The following SLC5A10 variants were observed in gnomAD, a reference collection of about 807,000 sequenced individuals.
SLC5A10 encodes the protein solute carrier family 5 member 10.
SLC5A10 carries 55 observed loss-of-function variants against 68.9 expected under a neutral mutation model. That is an observed-to-expected ratio of 0.80 (90% CI 0.64 to 1.00). SLC5A10 has a LOEUF of 1.00. SLC5A10 is among the 50% of genes least tolerant of loss of function. SLC5A10 has a pLI of 0.00. For missense variants in SLC5A10, 732 were observed against 819.3 expected (o/e 0.89, Z 1.30); for synonymous variants, 344 against 344.8 (o/e 1.00, Z 0.02).
chr17:18,999,542 C>T (rs1311517709), intron 9 of SLC5A10, among the ~76,000 whole-genome samples: 4 of 152,186 alleles, frequency 2.6e-5, no homozygotes, highest in Non-Finnish European at 5.9e-5. Flanking sequence ...ATGGAGACAA[C>T]ACCTACTTTC....
Position 19,004,009 on chromosome 17 carries a change from G to A in SLC5A10, c.983-9401G>A, listed in dbSNP as rs2043809001. 9.9e-6 allele frequency: 16 copies of A among 1,610,594 alleles called. No homozygotes were observed. The highest frequency in any genetic ancestry group is 1.4e-5 in the Non-Finnish European group (16 of 1,178,648). On this transcript the variant is annotated intron_variant, in intron 9 of 14. Transcript: ENST00000395645. The surrounding 1 kb of genome is among the most constrained non-coding windows in gnomAD (Gnocchi z 5.4). ...CGCTGGAGCGCCAGTTCACATGGTT[G>A]TCGTCCAGACACTGCACCTGAGAGA...
At chr17:18,977,741 G>A (rs766692916) in intron 9 of SLC5A10, 13 of 1,605,542 alleles carry the variant, frequency 8.1e-6, no homozygotes, top group Non-Finnish European at 1.1e-5. Context: ...CGGTGGTGGG[G>A]TTGGCCCGTT....
chr17:18,968,129 C>A lies in SLC5A10; in HGVS notation c.454-923C>A, dbSNP rs2042749131. Among the ~76,000 whole-genome samples the A allele has an allele frequency of 6.6e-6, 1 of 152,038 alleles. No individual in the cohort carries two copies. The highest frequency in any genetic ancestry group is 1.5e-5 in the Non-Finnish European group (1 of 67,974). ...GCAGGGATCCCTGCCTGGGGGAGCT[C>A]AAAGGGGCCTGGGGCCTGCACTTCC... On this transcript the variant is annotated intron_variant, in intron 5 of 14. Transcript: ENST00000395645. The surrounding 1 kb of genome is among the most constrained non-coding windows in gnomAD (Gnocchi z 4.1).
chr17:19,017,458 A>C lies in SLC5A10; in HGVS notation c.1242-1965A>C. 1 of 1,464,672 alleles carries C rather than the reference A, an allele frequency of 6.8e-7. No individual in the cohort carries two copies. The highest frequency in any genetic ancestry group is 1.2e-5 in the South Asian group (1 of 82,154). The allele number at this position is 1,464,672 out of a possible 1,614,324, so 90.7% of individuals were successfully genotyped here. On this transcript the variant is annotated intron_variant, in intron 11 of 14. Transcript: ENST00000395645. The surrounding 1 kb of genome is among the most constrained non-coding windows in gnomAD (Gnocchi z 5.6). Reference sequence around the variant, plus strand: ...AGGCGAGGCTTACAGAGAGAAGACCAACAGCCCAGAGGCCTGGAGAGGAGG... The same window carrying C: ...AGGCGAGGCTTACAGAGAGAAGACCCACAGCCCAGAGGCCTGGAGAGGAGG...
chr17:19,009,884 A>G (rs1165655861), intron 9 of SLC5A10, among the ~76,000 whole-genome samples: 1 of 152,018 alleles, frequency 6.6e-6, no homozygotes, highest in East Asian at 1.9e-4. Context: ...TAATGAATTG[A>G]GAGGAATGAG....
At chr17:18,977,942 C>T (rs752365106) in intron 9 of SLC5A10, 3 of 1,605,872 alleles carry the variant, frequency 1.9e-6, no homozygotes, top group Non-Finnish European at 2.6e-6. Context: ...CCCATCCAGC[C>T]CATTGGGGAG....
At chr17:19,015,974 T>G (rs767917009) in intron 11 of SLC5A10, among the ~76,000 whole-genome samples, 1 of 152,198 alleles carries the variant, frequency 6.6e-6, no homozygotes, top group African/African-American at 2.4e-5. Context: ...TGGTATACAC[T>G]GTACCCAATG....
intron 1 of SLC5A10, among the ~76,000 whole-genome samples, chr17:18,955,402 G>A (rs959697337): frequency 6.6e-6 from 1 of 152,206 alleles, no homozygotes; most frequent in Admixed American, 6.5e-5. Context: ...GCTTCATAGA[G>A]CTGTTGCGAG....
chr17:18,969,119 T>C lies in SLC5A10; in HGVS notation c.521T>C (p.Ile174Thr), dbSNP rs373912084. 7.6e-5 allele frequency: 122 copies of C among 1,613,916 alleles called. No individual in the cohort carries two copies. The highest frequency in any genetic ancestry group is 9.7e-5 in the Non-Finnish European group (115 of 1,179,962). The change falls in exon 6 of 15, where the codon ATC (isoleucine) becomes ACC (threonine). Residue 174 changes from isoleucine (I) to threonine (T), a missense_variant. Ile to Thr is a moderately conservative substitution (Grantham distance 89). Coordinates refer to ENST00000395645, the MANE Select transcript of SLC5A10 (RefSeq NM_001042450.4). ...CLGWNFYLST[I>T]LTLGITALYT... ...GGCTGGAACTTCTACCTCTCCACCA[T>C]CCTCACGCTCGGCATCACAGCCCTG...
In SLC5A10 at chr17:18,971,752, GGA is replaced by G. The variant is rs760266047; in HGVS notation, c.846+544_846+545del. 1.4e-5 allele frequency: 21 copies of G among 1,555,518 alleles called. No homozygotes were observed. The highest frequency in any genetic ancestry group is 1.9e-5 in the Admixed American group (1 of 53,594). ...TGTGATGATGAAACTGCTGGCCCTG[GGA>G]GAGAGAGAGCAGAGAGTGAGGCTGA... On this transcript the variant is annotated intron_variant, in intron 8 of 14. Coordinates refer to ENST00000395645, the MANE Select transcript of SLC5A10 (RefSeq NM_001042450.4). The surrounding 1 kb of genome is among the most constrained non-coding windows in gnomAD (Gnocchi z 5.5).
At chr17:18,987,428 G>A (rs8069879) in intron 9 of SLC5A10, among the ~76,000 whole-genome samples, 87 of 152,346 alleles carry the variant, frequency 5.7e-4, no homozygotes, top group African/African-American at 1.9e-3. Flanking sequence ...CATCACGCAC[G>A]CTCATCTGCT....
chr17:19,013,888 TC>T (rs1217905302), intron 10 of SLC5A10, among the ~76,000 whole-genome samples: 1 of 151,982 alleles, frequency 6.6e-6, no homozygotes, highest in Non-Finnish European at 1.5e-5. Flanking sequence ...GAGTTCCCTC[TC>T]TAAGAAATGG....
At chr17:18,994,678 TGCAG>T (rs2043519601) in intron 9 of SLC5A10, among the ~76,000 whole-genome samples, 1 of 152,120 alleles carries the variant, frequency 6.6e-6, no homozygotes, top group African/African-American at 2.4e-5. Context: ...ACACAGGTCC[TGCAG>T]GGGGTGTCCT....
chr17:18,960,873 G>A (rs1279871388), intron 5 of SLC5A10, among the ~76,000 whole-genome samples: 1 of 152,128 alleles, frequency 6.6e-6, no homozygotes, highest in Admixed American at 6.5e-5. Context: ...CCCTAGTCAG[G>A]GACAGAACAC....
intron 8 of SLC5A10, among the ~76,000 whole-genome samples, chr17:18,972,876 A>AC (rs2042889468): frequency 6.6e-6 from 1 of 151,970 alleles, no homozygotes; most frequent in Non-Finnish European, 1.5e-5. Context: ...CTAAAAAAAA[A>AC]AAAAAAAAGA....
Position 18,971,177 on chromosome 17 carries a change from G to T in SLC5A10, c.805G>T (p.Gly269Cys). The T allele has an allele frequency of 1.4e-5, 23 of 1,614,054 alleles. No homozygotes were observed. Among genetic ancestry groups the T allele is most frequent in the Non-Finnish European group, 1.9e-5 (23 of 1,180,034 alleles). The change falls in exon 8 of 15, where the codon GGC becomes TGC. Residue 269 changes from glycine (G) to cysteine (C), a missense_variant. Physicochemically the swap from Gly to Cys is radical, Grantham distance 159 (BLOSUM62 -3). Transcript: ENST00000395645. This position sits in a 1 kb window ranked among gnomAD's most constrained non-coding sequence, Gnocchi z 5.5. ...GDLPWTGMTF[G>C]LTIMATWYWC... ...CCTGCCGTGGACCGGGATGACCTTT[G>T]GCCTGACCATCATGGCCACCTGGTA...
intron 5 of SLC5A10, among the ~76,000 whole-genome samples, chr17:18,965,429 G>A (rs2042690433): frequency 6.6e-6 from 1 of 152,220 alleles, no homozygotes; most frequent in African/African-American, 2.4e-5. Flanking sequence ...CACGAAGGAT[G>A]GGAGATATAA....
Position 19,021,933 on chromosome 17 carries a change from G to C in SLC5A10, c.*1502G>C, listed in dbSNP as rs1366795839. 1.3e-6 allele frequency: 2 copies of C among 1,484,170 alleles called. No homozygotes were observed. Among genetic ancestry groups the C allele is most frequent in the Non-Finnish European group, 1.8e-6 (2 of 1,118,532 alleles). 91.9% of individuals were successfully genotyped at this position (1,484,170 alleles called of 1,614,324 possible). A position where few individuals can be genotyped will look rare whatever the true frequency, so the allele number is the denominator to read the frequency against. On this transcript the variant is annotated 3_prime_UTR_variant, in exon 15 of 15. Transcript: ENST00000395645. The surrounding 1 kb of genome is among the most constrained non-coding windows in gnomAD (Gnocchi z 4.1). ...GACCTCAGTTCCTGTAAAAAGGCCC[G>C]TTGGCCAGATCGGCCGCCGGGCTGC...
At position 18,971,380 on chromosome 17, in the gene SLC5A10, G is replaced by C; in HGVS notation, c.846+162G>C. 6.2e-7 allele frequency: 1 copy of C among 1,608,004 alleles called. No individual in the cohort carries two copies. The highest frequency in any genetic ancestry group is 1.1e-5 in the South Asian group (1 of 90,790). The stretch of plus-strand genomic sequence containing the variant: ...GCTGCTAGGGGTCTTTGCGGTCCCG[G>C]GGGGCTTGAGCCCTCCGTTTAGAAT... On this transcript the variant is annotated intron_variant, in intron 8 of 14. Transcript: ENST00000395645. The surrounding 1 kb of genome is among the most constrained non-coding windows in gnomAD (Gnocchi z 5.5).
Sources: allele counts gnomAD v4.1 joint callset (sites outside exome capture counted in the v4.1 genomes callset), GRCh38; gene constraint gnomAD v4.1.1; non-coding constraint Gnocchi (gnomAD v3.1); transcripts MANE v1.5; gene names NCBI Gene and HGNC (gene_info 2026-07-23, HGNC 2026-07-21).